MMP16: variants seen among roughly 807,000 people sequenced by gnomAD.
MMP16 encodes the protein matrix metallopeptidase 16, also known as matrix metalloproteinase-16.
Under a neutral mutation model 67.8 loss-of-function variants are expected in MMP16, and 12 were observed. The observed-to-expected ratio is 0.18, with a 90% CI of 0.11 to 0.29. MMP16 has a LOEUF of 0.29. Among genes scored for constraint, MMP16 ranks in the 10% least tolerant of loss-of-function variants. The probability of loss-of-function intolerance (pLI) is 1.00; values close to 1 mark genes in which losing one functional copy is unlikely to be tolerated. For synonymous variants in MMP16, 249 were observed against 255.9 expected, an observed-to-expected ratio of 0.97 and a Z score of 0.26; for missense variants, 475 against 765.7, an observed-to-expected ratio of 0.62 and a Z score of 4.48.
At position 88,327,459 on chromosome 8, in the gene MMP16, C is replaced by G. The variant is rs965114017; in HGVS notation, c.-253G>C. On this transcript the variant is annotated 5_prime_UTR_variant, in exon 1 of 10. Coordinates refer to ENST00000286614, the MANE Select transcript of MMP16 (RefSeq NM_005941.5). ...GGGTCAGTCACCGGGAACGTGGCGC[C>G]TAAGTTCACCGGCGGTTCCGGCTCA... is the stretch of plus-strand genomic sequence containing the variant. 4.9e-5 allele frequency: 23 copies of G among 471,902 alleles called. No individual in the cohort carries two copies. The highest frequency in any genetic ancestry group is 2.0e-5 in the Non-Finnish European group (5 of 256,232). The allele number at this position is 471,902 out of a possible 1,614,324, so 29.2% of individuals were successfully genotyped here. A position where few individuals can be genotyped will look rare whatever the true frequency, so the allele number is the denominator to read the frequency against.
intron 7 of MMP16, among the ~76,000 whole-genome samples, chr8:88,063,951 G>T (rs1228437438): frequency 6.6e-6 from 1 of 151,714 alleles, no homozygotes; most frequent in Non-Finnish European, 1.5e-5. Context: ...TATTACTAAG[G>T]AAATTAAAAA....
At chr8:88,184,775 A>AAAG (rs1196308422) in intron 3 of MMP16, among the ~76,000 whole-genome samples, 14 of 132,852 alleles carry the variant, frequency 1.1e-4, no homozygotes, top group African/African-American at 3.4e-4. Context: ...AAAAAAAAAA[A>AAAG]AAAGAAAAGA....
chr8:88,297,836 C>T lies in MMP16; in HGVS notation c.132+29239G>A, dbSNP rs149118724. ...ACACCTCAGAGAGTTAAAAATGGAA[C>T]GAGGTAATATGTGTAACATTTAGCA... On this transcript the variant is annotated intron_variant, in intron 1 of 9. Transcript: ENST00000286614. Among the ~76,000 whole-genome samples, 11 of 152,162 alleles carry T rather than the reference C, an allele frequency of 7.2e-5. No homozygotes were observed. In the East Asian group the frequency reaches 1.2e-3, roughly 16 times the overall value.
chr8:88,042,930 C>T (rs1399380668), intron 9 of MMP16, among the ~76,000 whole-genome samples: 1 of 152,060 alleles, frequency 6.6e-6, no homozygotes, highest in Non-Finnish European at 1.5e-5. Flanking sequence ...TTCAAAAAAT[C>T]AAGAAATGTT....
chr8:88,085,383 G>T (rs1362957328), intron 6 of MMP16, among the ~76,000 whole-genome samples: 1 of 152,000 alleles, frequency 6.6e-6, no homozygotes, highest in Non-Finnish European at 1.5e-5. Flanking sequence ...CCTGTTCAAA[G>T]CAACCATTAG....
chr8:88,146,883 C>T (rs752146631), intron 4 of MMP16, among the ~76,000 whole-genome samples: 1 of 151,696 alleles, frequency 6.6e-6, no homozygotes, highest in Non-Finnish European at 1.5e-5. Flanking sequence ...ACAATTTATA[C>T]TCCAAATTTT....
At chr8:88,053,596 G>A (rs982612575) in intron 8 of MMP16, among the ~76,000 whole-genome samples, 5 of 152,028 alleles carry the variant, frequency 3.3e-5, no homozygotes, top group African/African-American at 1.2e-4. Context: ...GGGAGAAGAG[G>A]GGAGAAATAA....
In MMP16 at chr8:88,206,614, T is replaced by C. The variant is rs182399585; in HGVS notation, c.133-9308A>G. On this transcript the variant is annotated intron_variant, in intron 1 of 9. Coordinates refer to ENST00000286614, the MANE Select transcript of MMP16 (RefSeq NM_005941.5). ...ATCTGTGATTCTAAGCTGGAATAAT[T>C]GGATACATAATTATCTTACTTTTTA... Among the ~76,000 whole-genome samples the C allele has an allele frequency of 2.8e-3, 420 of 152,360 alleles. 4 individuals are homozygous for C. The Middle Eastern group carries it at 0.048, about 17-fold the overall frequency.
In MMP16 at chr8:88,266,325, A is replaced by T. The variant is rs143490381; in HGVS notation, c.132+60750T>A. Among the ~76,000 whole-genome samples, 1,175 of 119,540 alleles carry T rather than the reference A, an allele frequency of 9.8e-3. 11 individuals carry two copies. The highest frequency in any genetic ancestry group is 0.037 in the Middle Eastern group (9 of 240). The allele number at this position is 119,540 out of a possible 152,430, so 78.4% of individuals were successfully genotyped here. On this transcript the variant is annotated intron_variant, in intron 1 of 9. Transcript: ENST00000286614. ...CCATCTCCTTATTAGTGATCTCCTT[A>T]TTAGTGAGTATGCTATTTTTTAACA...
intron 6 of MMP16, among the ~76,000 whole-genome samples, chr8:88,104,768 T>C (rs1196408947): frequency 2.6e-5 from 4 of 151,378 alleles, no homozygotes; most frequent in Non-Finnish European, 5.9e-5. Context: ...GGACAAGATG[T>C]GGAGGTAGAA....
At chr8:88,159,704 T>C (rs982091619) in intron 4 of MMP16, among the ~76,000 whole-genome samples, 2 of 152,118 alleles carry the variant, frequency 1.3e-5, no homozygotes, top group Admixed American at 1.3e-4. Flanking sequence ...ATCCCTGTCT[T>C]GTGCCAGTTT....
chr8:88,281,617 C>T lies in MMP16; in HGVS notation c.132+45458G>A, dbSNP rs370094704. On this transcript the variant is annotated intron_variant, in intron 1 of 9. Transcript: ENST00000286614. ...TTAAGCAGGGAGTCCACAGTAGTCA[C>T]TTGTTAATCAATAAATTTACCAGGC... 5.3e-5 allele frequency among the ~76,000 whole-genome samples: 8 copies of T among 152,188 alleles called. No individual in the cohort carries two copies. The South Asian group carries it at 8.3e-4, about 16-fold the overall frequency.
chr8:88,313,777 C>T (rs760922063), intron 1 of MMP16, among the ~76,000 whole-genome samples: 10 of 151,894 alleles, frequency 6.6e-5, no homozygotes, highest in African/African-American at 9.7e-5. Flanking sequence ...ACATGGCTGG[C>T]GAGGCCTCAC....
intron 4 of MMP16, among the ~76,000 whole-genome samples, chr8:88,153,697 C>A (rs1350419089): frequency 6.7e-6 from 1 of 148,958 alleles, no homozygotes; most frequent in East Asian, 2.0e-4. Flanking sequence ...CTTCCTTACA[C>A]CTTATACAAA....
chr8:88,197,130 A>C, intron 2 of MMP16, 28 bp downstream of exon 2: 2 of 1,599,854 alleles, frequency 1.3e-6, no homozygotes, highest in Non-Finnish European at 1.7e-6. Context: ...AGGACCAAAA[A>C]GAAAGGAGGA....
chr8:88,270,298 CATTTCTAAATTTCCTCCAA>C (rs1810545347), intron 1 of MMP16, among the ~76,000 whole-genome samples: 1 of 152,140 alleles, frequency 6.6e-6, no homozygotes, highest in African/African-American at 2.4e-5. Context: ...ACTACAATCC[CATTTCTAAATTTCCTCCAA>C]AATTTATCAG....
rs2130242275 is a variant in MMP16, at chr8:88,327,398, A to G, written c.-192T>C. 1.7e-6 allele frequency: 1 copy of G among 594,726 alleles called. No individual in the cohort carries two copies. Among genetic ancestry groups the G allele is most frequent in the Non-Finnish European group, 2.9e-6 (1 of 341,048 alleles). The allele number at this position is 594,726 out of a possible 1,614,324, so 36.8% of individuals were successfully genotyped here. On this transcript the variant is annotated 5_prime_UTR_variant, in exon 1 of 10. Coordinates refer to ENST00000286614, the MANE Select transcript of MMP16 (RefSeq NM_005941.5). ...CAGCCCCCGAGAGGCAGCGGCGAAG[A>G]CAGGGTCAGCAGTAGTTCCTGTTCA...
chr8:88,290,550 C>T (rs1368513326), intron 1 of MMP16, among the ~76,000 whole-genome samples: 1 of 150,194 alleles, frequency 6.7e-6, no homozygotes, highest in Non-Finnish European at 1.5e-5. Flanking sequence ...GAGACTCCGT[C>T]TCAAAAAAAA....
chr8:88,054,781 T>C (rs1808311219), intron 8 of MMP16, among the ~76,000 whole-genome samples: 1 of 152,170 alleles, frequency 6.6e-6, no homozygotes, highest in Non-Finnish European at 1.5e-5. Flanking sequence ...TTTGAAACCA[T>C]TTGGAATTAA....
Sources: gnomAD v4.1 joint callset for allele counts (sites outside exome capture counted in the v4.1 genomes callset) on GRCh38, gnomAD v4.1.1 for gene constraint, MANE v1.5 for transcripts, NCBI Gene and HGNC (gene_info 2026-07-23, HGNC 2026-07-21) for gene names.